The following PLOD2 variants were observed in gnomAD, a reference collection of about 807,000 sequenced individuals.
PLOD2 encodes the protein procollagen-lysine,2-oxoglutarate 5-dioxygenase 2, also known as lysine hydroxylase 2.
In PLOD2, 65 loss-of-function variants were observed where a neutral mutation model predicts 101.0. That is an observed-to-expected ratio of 0.64 (90% CI 0.53 to 0.79). The LOEUF (loss-of-function observed/expected upper bound fraction) is 0.79. Among genes scored for constraint, PLOD2 ranks in the 30% least tolerant of loss-of-function variants. The pLI is 0.00. For missense variants in PLOD2, 909 were observed against 914.6 expected, an observed-to-expected ratio of 0.99 and a Z score of 0.08; for synonymous variants, 314 against 302.9, an observed-to-expected ratio of 1.04 and a Z score of -0.38.
intron 8 of PLOD2, 35 bp from the exon 9 acceptor site, chr3:146,088,746 C>G (rs759585551): frequency 6.6e-7 from 1 of 1,519,080 alleles, no homozygotes; most frequent in Non-Finnish European, 9.1e-7. Context: ...ATAAAATTAT[C>G]ATTAGTATGG....
chr3:146,090,817 T>C (rs142149021), intron 8 of PLOD2, among the ~76,000 whole-genome samples: 102 of 151,974 alleles, frequency 6.7e-4, no homozygotes, highest in African/African-American at 2.3e-3. Context: ...GAGTTAGTAG[T>C]ACTATATTCC....
intron 7 of PLOD2, among the ~76,000 whole-genome samples, chr3:146,093,497 T>C (rs1175835992): frequency 3.3e-5 from 5 of 152,184 alleles, no homozygotes; most frequent in Non-Finnish European, 5.9e-5. Context: ...AAGGCAAACA[T>C]TAATCATTTG....
At chr3:146,112,306 T>G (rs191444941) in intron 3 of PLOD2, among the ~76,000 whole-genome samples, 1 of 152,242 alleles carries the variant, frequency 6.6e-6, no homozygotes, top group African/African-American at 2.4e-5. Flanking sequence ...CAACATGGAA[T>G]ACTATTCAGC....
In PLOD2 at chr3:146,124,125, G is replaced by A. The variant is rs759928662; in HGVS notation, c.201+13C>T. 1 of 1,339,474 alleles carries A rather than the reference G, an allele frequency of 7.5e-7. No homozygotes were observed. The highest frequency in any genetic ancestry group is 2.3e-5 in the East Asian group (1 of 43,510). The allele number at this position is 1,339,474 out of a possible 1,614,324, so 83.0% of individuals were successfully genotyped here. A position where few individuals can be genotyped will look rare whatever the true frequency, so the allele number is the denominator to read the frequency against. ...CATTATAGGATCTTCATAGGTTAAA[G>A]GATATACCATACCTTCACAGTATAA... is the stretch of plus-strand genomic sequence containing the variant. On this transcript the variant is annotated intron_variant, in intron 2 of 19. Transcript: ENST00000282903.
intron 1 of PLOD2, among the ~76,000 whole-genome samples, chr3:146,125,224 C>A (rs187912106): frequency 1.6e-4 from 25 of 152,166 alleles, no homozygotes; most frequent in African/African-American, 5.8e-4. Context: ...TTTTGAGTAT[C>A]CCCTAAGCAA....
intron 7 of PLOD2, among the ~76,000 whole-genome samples, chr3:146,101,803 A>C (rs1275653852): frequency 1.3e-5 from 2 of 152,182 alleles, no homozygotes; most frequent in African/African-American, 2.4e-5. Context: ...GAGATGACAG[A>C]GCTGGGGAAA....
intron 1 of PLOD2, among the ~76,000 whole-genome samples, chr3:146,146,147 G>A (rs1003319673): frequency 2.0e-5 from 3 of 152,078 alleles, no homozygotes; most frequent in South Asian, 2.1e-4. Flanking sequence ...AGAGCTCCAC[G>A]TTAAAAAGCA....
intron 3 of PLOD2, among the ~76,000 whole-genome samples, chr3:146,120,566 C>A (rs1367860704): frequency 6.6e-6 from 1 of 152,140 alleles, no homozygotes; most frequent in Non-Finnish European, 1.5e-5. Context: ...TGGGCAAGGA[C>A]TTCATGTCTA....
At chr3:146,152,244 C>A (rs2032089327) in intron 1 of PLOD2, among the ~76,000 whole-genome samples, 1 of 151,954 alleles carries the variant, frequency 6.6e-6, no homozygotes, top group South Asian at 2.1e-4. Flanking sequence ...TATGGTGAAA[C>A]CCCCGTTTCT....
chr3:146,144,230 C>T (rs906883163), intron 1 of PLOD2, among the ~76,000 whole-genome samples: 3 of 152,136 alleles, frequency 2.0e-5, no homozygotes, highest in African/African-American at 4.8e-5. Flanking sequence ...AGAATGTACA[C>T]ACCACTGATA....
At position 146,161,123 on chromosome 3, in the gene PLOD2, C is replaced by A. The variant is rs1048162248; in HGVS notation, c.-134G>T. On this transcript the variant is annotated 5_prime_UTR_variant, in exon 1 of 20. Transcript: ENST00000282903. ...GGGAGCCGGCGGGCAAGGCGCGCGG[C>A]CGGCAGCCGGAGCGGCGCGTAACGC... is the stretch of plus-strand genomic sequence containing the variant. The A allele has an allele frequency of 1.3e-5, 6 of 467,302 alleles. No homozygotes were observed. Among genetic ancestry groups the A allele is most frequent in the East Asian group, 3.9e-5 (1 of 25,492 alleles). The allele number at this position is 467,302 out of a possible 1,614,324, so 28.9% of individuals were successfully genotyped here. A position where few individuals can be genotyped will look rare whatever the true frequency, so the allele number is the denominator to read the frequency against.
At chr3:146,145,027 T>C (rs2031712095) in intron 1 of PLOD2, among the ~76,000 whole-genome samples, 2 of 152,136 alleles carry the variant, frequency 1.3e-5, no homozygotes, top group African/African-American at 2.4e-5. Flanking sequence ...AGATCTACCA[T>C]ATCCTAGTTC....
rs1194643159 is a variant in PLOD2, at chr3:146,124,243, AGG to A, written c.110-16_110-15del. Reference sequence around the variant, plus strand: ...CTAATAATTTATCTGCAAAGACAAAAGGAAACAAAAGAAGGTTTACCAAGATA... The same window carrying A: ...CTAATAATTTATCTGCAAAGACAAAAAAACAAAAGAAGGTTTACCAAGATA... On this transcript the variant is annotated splice_polypyrimidine_tract_variant and intron_variant, in intron 1 of 19. Coordinates refer to ENST00000282903, the MANE Select transcript of PLOD2 (RefSeq NM_182943.3). The A allele has an allele frequency of 7.1e-7, 1 of 1,407,230 alleles. No homozygotes were observed. The highest frequency in any genetic ancestry group is 2.3e-5 in the East Asian group (1 of 43,870). The allele number at this position is 1,407,230 out of a possible 1,614,324, so 87.2% of individuals were successfully genotyped here. A position where few individuals can be genotyped will look rare whatever the true frequency, so the allele number is the denominator to read the frequency against.
intron 15 of PLOD2, among the ~76,000 whole-genome samples, chr3:146,075,619 C>A (rs1163584980): frequency 6.6e-6 from 1 of 151,208 alleles, no homozygotes; most frequent in African/African-American, 2.4e-5. Context: ...TGTACATTCA[C>A]AAAATTGTCA....
intron 5 of PLOD2, among the ~76,000 whole-genome samples, chr3:146,106,314 A>G (rs1465899707): frequency 6.6e-6 from 1 of 152,182 alleles, no homozygotes; most frequent in Admixed American, 6.5e-5. Flanking sequence ...CTTGGCCACA[A>G]AAGAGAAGCC....
At chr3:146,080,302 CAAT>C (rs139015292) in intron 12 of PLOD2, among the ~76,000 whole-genome samples, 13,410 of 151,956 alleles carry the variant, frequency 0.088, 757 homozygotes, top group South Asian at 0.14. Context: ...AGACTAACAA[CAAT>C]AATAGAACAA....
At chr3:146,145,325 C>T (rs2031727309) in intron 1 of PLOD2, among the ~76,000 whole-genome samples, 1 of 152,154 alleles carries the variant, frequency 6.6e-6, no homozygotes, top group African/African-American at 2.4e-5. Flanking sequence ...CTAATCCAGC[C>T]ATTCCCAATC....
intron 1 of PLOD2, among the ~76,000 whole-genome samples, chr3:146,136,599 T>C (rs183550505): frequency 4.5e-4 from 68 of 152,338 alleles, no homozygotes; most frequent in Non-Finnish European, 5.9e-5. Flanking sequence ...GAGCCACATA[T>C]ACAACACTGG....
intron 1 of PLOD2, among the ~76,000 whole-genome samples, chr3:146,158,194 A>T (rs2108153078): frequency 6.6e-6 from 1 of 152,260 alleles, no homozygotes; most frequent in Admixed American, 6.5e-5. Flanking sequence ...GGAAAGATAA[A>T]TCAGGGTATG....
Sources: allele counts gnomAD v4.1 joint callset (sites outside exome capture counted in the v4.1 genomes callset), GRCh38; gene constraint gnomAD v4.1.1; transcripts MANE v1.5; gene names NCBI Gene and HGNC (gene_info 2026-07-23, HGNC 2026-07-21).